PCDHGA9: variants seen among roughly 807,000 people sequenced by gnomAD.
PCDHGA9 encodes the protein protocadherin gamma-A9.
In PCDHGA9, 37 loss-of-function variants were observed where a neutral mutation model predicts 62.5. The ratio of observed to expected loss-of-function variants is 0.59; its 90% CI spans 0.46 to 0.78. The LOEUF (loss-of-function observed/expected upper bound fraction) is 0.78. Among genes scored for constraint, PCDHGA9 ranks in the 30% least tolerant of loss-of-function variants. The probability of loss-of-function intolerance (pLI) is 0.00; values close to 1 mark genes in which losing one functional copy is unlikely to be tolerated. For missense variants in PCDHGA9, 1,138 were observed against 1,166.2 expected (o/e 0.98, Z 0.35); for synonymous variants, 459 against 484.6 (o/e 0.95, Z 0.69).
Position 141,494,803 on chromosome 5 carries a change from A to G in PCDHGA9, c.2425-4A>G. On this transcript the variant is annotated splice_polypyrimidine_tract_variant and splice_region_variant and intron_variant, in intron 1 of 3. Transcript: ENST00000573521. ...CAGCCCCTTTCCCTCTGTTTTCTCC[A>G]CAGCAAGCCCCGCCCAACACGGACT... The G allele has an allele frequency of 6.2e-7, 1 of 1,613,646 alleles. No individual in the cohort carries two copies. Among genetic ancestry groups the G allele is most frequent in the Non-Finnish European group, 8.5e-7 (1 of 1,179,900 alleles).
At position 141,489,257 on chromosome 5, in the gene PCDHGA9, T is replaced by TC. The variant is rs773157586; in HGVS notation, c.2425-5547dup. The stretch of plus-strand genomic sequence containing the variant: ...TTCTGGGTCATGGGGCCCAAGACAC[T>TC]CCCACAGCTCGCTGGGAAATGGCAA... On this transcript the variant is annotated intron_variant, in intron 1 of 3. Coordinates refer to ENST00000573521, the MANE Select transcript of PCDHGA9 (RefSeq NM_018921.3). The surrounding 1 kb of genome is among the most constrained non-coding windows in gnomAD (Gnocchi z 4.5). 1 of 1,550,308 alleles carries TC rather than the reference T, an allele frequency of 6.5e-7. No homozygotes were observed. Among genetic ancestry groups the TC allele is most frequent in the Non-Finnish European group, 8.7e-7 (1 of 1,148,342 alleles).
rs759587995 is a variant in PCDHGA9, at chr5:141,491,802, G to T, written c.2425-3005G>T. On this transcript the variant is annotated intron_variant, in intron 1 of 3. Coordinates refer to ENST00000573521, the MANE Select transcript of PCDHGA9 (RefSeq NM_018921.3). The surrounding 1 kb of genome is among the most constrained non-coding windows in gnomAD (Gnocchi z 6.9). ...ACTTGCATCCACTCCTCTCCGGCCGGCTTGGTCGCTGGCTGCGCTCCACCC... is the reference window on the plus strand; with the variant it reads ...ACTTGCATCCACTCCTCTCCGGCCGTCTTGGTCGCTGGCTGCGCTCCACCC... 1 of 1,497,480 alleles carries T rather than the reference G, an allele frequency of 6.7e-7. No individual in the cohort carries two copies. Among genetic ancestry groups the T allele is most frequent in the East Asian group, 2.5e-5 (1 of 40,518 alleles). The allele number at this position is 1,497,480 out of a possible 1,614,324, so 92.8% of individuals were successfully genotyped here. A position where few individuals can be genotyped will look rare whatever the true frequency, so the allele number is the denominator to read the frequency against.
At chr5:141,410,527 C>T (rs1398639610) in intron 1 of PCDHGA9, 1 of 1,613,920 alleles carries the variant, frequency 6.2e-7, no homozygotes, top group East Asian at 2.2e-5. Context: ...CCCTACATTC[C>T]AATGAAGACA....
At chr5:141,445,420 T>C (rs968387442) in intron 1 of PCDHGA9, among the ~76,000 whole-genome samples, 3 of 152,204 alleles carry the variant, frequency 2.0e-5, no homozygotes, top group Admixed American at 6.5e-5. Context: ...GTCTGCTATA[T>C]GCAAGGCACT....
At position 141,410,109 on chromosome 5, in the gene PCDHGA9, A is replaced by T. The variant is rs771550139; in HGVS notation, c.2424+4733A>T. On this transcript the variant is annotated intron_variant, in intron 1 of 3. Transcript: ENST00000573521. ...ACGGCTCGAGCCTTAGGCGACAGGG[A>T]CGCAGCCCGCCAGCGCCTGCTGGTC... is the stretch of plus-strand genomic sequence containing the variant. 9.9e-6 allele frequency: 16 copies of T among 1,612,380 alleles called. 1 individual carries two copies. The South Asian group carries it at 1.6e-4, about 17-fold the overall frequency.
Position 141,477,209 on chromosome 5 carries a change from GC to G in PCDHGA9, c.2425-17594del. On this transcript the variant is annotated intron_variant, in intron 1 of 3. Transcript: ENST00000573521. The surrounding 1 kb of genome is among the most constrained non-coding windows in gnomAD (Gnocchi z 4.9). Reference sequence around the variant, plus strand: ...CGTGTACAGCCCAGTACCCGAGGATGCCCCTCTGGGGACTGTCATCGCTTTG... The same window carrying G: ...CGTGTACAGCCCAGTACCCGAGGATGCCCTCTGGGGACTGTCATCGCTTTG... The G allele has an allele frequency of 6.2e-7, 1 of 1,614,194 alleles. No homozygotes were observed. Among genetic ancestry groups the G allele is most frequent in the Non-Finnish European group, 8.5e-7 (1 of 1,180,038 alleles).
chr5:141,476,382 A>G lies in PCDHGA9; in HGVS notation c.2425-18425A>G, dbSNP rs777831089. ...CGGGAGACCGGAGAGATGTTTGTGA[A>G]CGACCGTCTGGATCGAGAGGAGCTG... On this transcript the variant is annotated intron_variant, in intron 1 of 3. Transcript: ENST00000573521. This position sits in a 1 kb window ranked among gnomAD's most constrained non-coding sequence, Gnocchi z 7.6. 3.7e-6 allele frequency: 6 copies of G among 1,613,866 alleles called. No individual in the cohort carries two copies. The East Asian group carries it at 1.3e-4, about 36-fold the overall frequency.
intron 3 of PCDHGA9, among the ~76,000 whole-genome samples, chr5:141,506,444 C>T (rs542906499): frequency 2.1e-5 from 2 of 95,022 alleles, no homozygotes; most frequent in South Asian, 3.6e-4. Flanking sequence ...CGCTCTGTCT[C>T]AAAAAAAAAA....
rs760319541 is a variant in PCDHGA9, at chr5:141,477,772, C to T, written c.2425-17035C>T. 1.2e-6 allele frequency: 2 copies of T among 1,614,026 alleles called. No homozygotes were observed. Among genetic ancestry groups the T allele is most frequent in the South Asian group, 1.1e-5 (1 of 91,088 alleles). ...CCCCGGTCCTAGCCACCAACATCAGCGTGAACATATTTGTCACTGATCGCA... is the reference window on the plus strand; with the variant it reads ...CCCCGGTCCTAGCCACCAACATCAGTGTGAACATATTTGTCACTGATCGCA... On this transcript the variant is annotated intron_variant, in intron 1 of 3. Coordinates refer to ENST00000573521, the MANE Select transcript of PCDHGA9 (RefSeq NM_018921.3). This position sits in a 1 kb window ranked among gnomAD's most constrained non-coding sequence, Gnocchi z 4.9.
Position 141,415,188 on chromosome 5 carries a change from C to G in PCDHGA9, c.2424+9812C>G, listed in dbSNP as rs2095841560. On this transcript the variant is annotated intron_variant, in intron 1 of 3. Coordinates refer to ENST00000573521, the MANE Select transcript of PCDHGA9 (RefSeq NM_018921.3). Reference sequence around the variant, plus strand: ...CGCTCACCGTGGCCGTGGCCGACAGCATCCCCCAAGTCCTGGCGGACCTCG... The same window carrying G: ...CGCTCACCGTGGCCGTGGCCGACAGGATCCCCCAAGTCCTGGCGGACCTCG... 3 of 1,614,006 alleles carry G rather than the reference C, an allele frequency of 1.9e-6. No homozygotes were observed. The East Asian group carries it at 6.7e-5, about 36-fold the overall frequency.
chr5:141,473,857 G>A (rs981688765), intron 1 of PCDHGA9, among the ~76,000 whole-genome samples: 1 of 152,164 alleles, frequency 6.6e-6, no homozygotes, highest in Non-Finnish European at 1.5e-5. Context: ...GATGAACCTC[G>A]CTATTGTGGA....
At chr5:141,450,549 C>T (rs1414500813) in intron 1 of PCDHGA9, among the ~76,000 whole-genome samples, 2 of 151,756 alleles carry the variant, frequency 1.3e-5, no homozygotes, top group Non-Finnish European at 2.9e-5. Context: ...TGCAGTGGCG[C>T]AGTCTCGGCT....
At chr5:141,466,324 C>A (rs2154569179) in intron 1 of PCDHGA9, among the ~76,000 whole-genome samples, 1 of 152,218 alleles carries the variant, frequency 6.6e-6, no homozygotes, top group East Asian at 1.9e-4. Context: ...GCACATGCTA[C>A]CATGCCTGGA....
chr5:141,477,519 A>C lies in PCDHGA9; in HGVS notation c.2425-17288A>C, dbSNP rs1255751458. 1 of 1,614,174 alleles carries C rather than the reference A, an allele frequency of 6.2e-7. No individual in the cohort carries two copies. The highest frequency in any genetic ancestry group is 2.2e-5 in the East Asian group (1 of 44,882). Reference sequence around the variant, plus strand: ...TCTTCCTACGACGTTTACATTGAAGAAAACAACCTCCCCGGGGCTCCAATA... The same window carrying C: ...TCTTCCTACGACGTTTACATTGAAGCAAACAACCTCCCCGGGGCTCCAATA... On this transcript the variant is annotated intron_variant, in intron 1 of 3. Transcript: ENST00000573521. The surrounding 1 kb of genome is among the most constrained non-coding windows in gnomAD (Gnocchi z 4.9).
chr5:141,476,601 C>A lies in PCDHGA9; in HGVS notation c.2425-18206C>A. On this transcript the variant is annotated intron_variant, in intron 1 of 3. Coordinates refer to ENST00000573521, the MANE Select transcript of PCDHGA9 (RefSeq NM_018921.3). The surrounding 1 kb of genome is among the most constrained non-coding windows in gnomAD (Gnocchi z 7.6). ...TTTCCGCTCGAGAGCGCGCACGATC[C>A]CGATGTGGGAAGCAACTCTTTACAA... The A allele has an allele frequency of 6.2e-7, 1 of 1,614,228 alleles. No homozygotes were observed. The highest frequency in any genetic ancestry group is 2.2e-5 in the East Asian group (1 of 44,878).
At position 141,431,424 on chromosome 5, in the gene PCDHGA9, G is replaced by A; in HGVS notation, c.2424+26048G>A. The A allele has an allele frequency of 1.9e-6, 3 of 1,613,676 alleles. No individual in the cohort carries two copies. The highest frequency in any genetic ancestry group is 2.5e-6 in the Non-Finnish European group (3 of 1,180,028). On this transcript the variant is annotated intron_variant, in intron 1 of 3. Coordinates refer to ENST00000573521, the MANE Select transcript of PCDHGA9 (RefSeq NM_018921.3). The surrounding 1 kb of genome is among the most constrained non-coding windows in gnomAD (Gnocchi z 4.8). ...GCCTCCGACGGGGGCGACCCGGTGC[G>A]CACAGGCACCGCGCGCATCCGCGTG... is the stretch of plus-strand genomic sequence containing the variant.
chr5:141,419,192 G>A (rs772847766), intron 1 of PCDHGA9: 65 of 1,613,816 alleles, frequency 4.0e-5, no homozygotes, highest in Middle Eastern at 1.6e-4. Context: ...CATTACTGAC[G>A]TCAATGACAA....
chr5:141,507,631 C>A (rs1435446169), intron 3 of PCDHGA9, among the ~76,000 whole-genome samples: 1 of 152,236 alleles, frequency 6.6e-6, no homozygotes, highest in Non-Finnish European at 1.5e-5. Context: ...TGTGGCCTTG[C>A]GCCCTGAGGC....
chr5:141,417,821 A>G (rs769813917), intron 1 of PCDHGA9: 1 of 1,514,942 alleles, frequency 6.6e-7, no homozygotes, highest in African/African-American at 1.4e-5. Flanking sequence ...ACTTTCTCCA[A>G]CTGGAAAAGC....
Sources: allele counts gnomAD v4.1 joint callset (sites outside exome capture counted in the v4.1 genomes callset), GRCh38; gene constraint gnomAD v4.1.1; non-coding constraint Gnocchi (gnomAD v3.1); transcripts MANE v1.5; gene names NCBI Gene and HGNC (gene_info 2026-07-23, HGNC 2026-07-21).